WFDC13: variants seen among roughly 807,000 people sequenced by gnomAD.
WFDC13 encodes the protein WAP four-disulfide core domain protein 13.
A neutral mutation model predicts 10.9 loss-of-function variants in WFDC13; 6 were observed. The ratio of observed to expected loss-of-function variants is 0.55; its 90% CI spans 0.30 to 1.09. The LOEUF is 1.09. WFDC13 is among the 50% of genes least tolerant of loss of function. The probability of loss-of-function intolerance (pLI) is 0.06; values close to 1 mark genes in which losing one functional copy is unlikely to be tolerated. For synonymous variants in WFDC13, 38 were observed against 39.5 expected (o/e 0.96, Z 0.14); for missense variants, 104 against 109.6 (o/e 0.95, Z 0.23).
chr20:45,704,882 G>A lies in WFDC13; in HGVS notation c.239+288G>A, dbSNP rs79455088. 3,506 of 1,604,610 alleles carry A rather than the reference G, an allele frequency of 2.2e-3. 65 individuals carry two copies. The African/African-American group carries it at 0.041, about 19-fold the overall frequency. ...TGCCTTTATCCACAGACCTTCCCCC[G>A]ACCCAGAATCCACCCTTATCCCAGG... On this transcript the variant is annotated intron_variant, in intron 2 of 3. Transcript: ENST00000305479.
chr20:45,705,318 G>T, intron 2 of WFDC13: 1 of 362,796 alleles, frequency 2.8e-6, no homozygotes, highest in East Asian at 5.8e-5. Context: ...AGCCCTTTGA[G>T]GGAAGCCTGG....
At chr20:45,702,741 A>G (rs889882972) in intron 1 of WFDC13, among the ~76,000 whole-genome samples, 3 of 152,232 alleles carry the variant, frequency 2.0e-5, no homozygotes, top group African/African-American at 7.2e-5. Flanking sequence ...ACCGGTAATT[A>G]GCATCAATGG....
intron 2 of WFDC13, among the ~76,000 whole-genome samples, chr20:45,705,361 A>G (rs1363035276): frequency 6.6e-6 from 1 of 152,170 alleles, no homozygotes; most frequent in East Asian, 1.9e-4. Flanking sequence ...CCCTACCATG[A>G]GCAGAATACC....
chr20:45,706,687 G>C (rs572770164), intron 3 of WFDC13, among the ~76,000 whole-genome samples: 2 of 151,444 alleles, frequency 1.3e-5, no homozygotes, highest in South Asian at 2.1e-4. Context: ...CAGGAGAATT[G>C]CTTGAACCCA....
chr20:45,703,311 T>C (rs543665992), intron 1 of WFDC13, among the ~76,000 whole-genome samples: 1 of 152,148 alleles, frequency 6.6e-6, no homozygotes, highest in South Asian at 2.1e-4. Context: ...CAGGGGTGAG[T>C]ACTAGTTATT....
intron 2 of WFDC13, chr20:45,705,090 G>A: frequency 8.4e-7 from 1 of 1,195,254 alleles, no homozygotes; most frequent in Non-Finnish European, 1.2e-6. Flanking sequence ...CTGCTAAATG[G>A]AGTGTGCTCC....
At chr20:45,704,926 G>A (rs1378999594) in intron 2 of WFDC13, 12 of 1,613,988 alleles carry the variant, frequency 7.4e-6, no homozygotes, top group Admixed American at 1.7e-5. Flanking sequence ...ACCTGCAGGT[G>A]TAACCAAAAT....
intron 1 of WFDC13, among the ~76,000 whole-genome samples, chr20:45,702,630 G>C (rs141316792): frequency 1.7e-4 from 26 of 152,322 alleles, no homozygotes; most frequent in Middle Eastern, 6.8e-3. Flanking sequence ...ACTCAAGCTA[G>C]AATCTACATA....
intron 2 of WFDC13, among the ~76,000 whole-genome samples, 154 bp from the exon 3 acceptor site, chr20:45,705,709 G>C (rs1215096559): frequency 6.8e-6 from 1 of 147,600 alleles, no homozygotes; most frequent in South Asian, 2.1e-4. Context: ...TAACTCTTTG[G>C]TGTCATTGAG....
At chr20:45,702,942 T>C (rs1235151934) in intron 1 of WFDC13, among the ~76,000 whole-genome samples, 1 of 152,166 alleles carries the variant, frequency 6.6e-6, no homozygotes, top group African/African-American at 2.4e-5. Flanking sequence ...TGGTAGCTCA[T>C]GTGTCTGGGG....
chr20:45,704,807 T>C (rs1984324296), intron 2 of WFDC13: 1 of 1,323,714 alleles, frequency 7.6e-7, no homozygotes, highest in African/African-American at 1.4e-5. Context: ...CCACATCCCA[T>C]CACCATATCC....
chr20:45,704,687 CTTTTT>C, intron 2 of WFDC13, 93 bp downstream of exon 2: 1 of 1,333,312 alleles, frequency 7.5e-7, no homozygotes, highest in South Asian at 1.5e-5. Context: ...TGGATCTCTC[CTTTTT>C]TTTTTTTTTC....
chr20:45,707,651 T>G (rs971703389), intron 3 of WFDC13, among the ~76,000 whole-genome samples: 4 of 152,084 alleles, frequency 2.6e-5, no homozygotes, highest in Non-Finnish European at 1.5e-5. Context: ...TAATTAAAGG[T>G]GATCATGACA....
chr20:45,708,183 G>A lies in WFDC13; in HGVS notation c.*348G>A, dbSNP rs1394719265. The A allele has an allele frequency of 6.6e-6, 1 of 152,156 alleles. No individual in the cohort carries two copies. The highest frequency in any genetic ancestry group is 1.5e-5 in the Non-Finnish European group (1 of 68,060). 9.4% of individuals were successfully genotyped at this position (152,156 alleles called of 1,614,324 possible). On this transcript the variant is annotated 3_prime_UTR_variant, in exon 4 of 4. Coordinates refer to ENST00000305479, the MANE Select transcript of WFDC13 (RefSeq NM_172005.2). ...CATCAACATCTGGACAACCCTCACT[G>A]ATTACCTGCCCTTGGTTGCACTCAT...
chr20:45,704,922 A>G, intron 2 of WFDC13: 1 of 1,614,026 alleles, frequency 6.2e-7, no homozygotes, highest in Non-Finnish European at 8.5e-7. Flanking sequence ...CTGTACCTGC[A>G]GGTGTAACCA....
intron 2 of WFDC13, chr20:45,705,040 G>C: frequency 3.1e-6 from 5 of 1,587,410 alleles, no homozygotes; most frequent in Non-Finnish European, 4.3e-6. Flanking sequence ...CCCAAAGGAA[G>C]TTTTGATTAA....
chr20:45,704,869 C>T, intron 2 of WFDC13: 2 of 1,588,934 alleles, frequency 1.3e-6, no homozygotes, highest in Non-Finnish European at 1.7e-6. Flanking sequence ...CCTTTATCCA[C>T]AGACCTTCCC....
intron 2 of WFDC13, chr20:45,704,970 C>A: frequency 6.2e-7 from 1 of 1,614,136 alleles, no homozygotes; most frequent in Non-Finnish European, 8.5e-7. Flanking sequence ...CTTTTGCTTG[C>A]CCTCCTTTCA....
rs1480484079 is a variant in WFDC13, at chr20:45,702,101, TACTC to T, written c.-20_-17del. 7 of 1,608,788 alleles carry T rather than the reference TACTC, an allele frequency of 4.4e-6. No individual in the cohort carries two copies. The highest frequency in any genetic ancestry group is 1.7e-5 in the Admixed American group (1 of 59,330). ...AACCCAGCAACCCTTGGCCAGAACTTACTCACCCATCCCACTGACACCATGAAGC... is the reference window on the plus strand; with the variant it reads ...AACCCAGCAACCCTTGGCCAGAACTTACCCATCCCACTGACACCATGAAGC... On this transcript the variant is annotated 5_prime_UTR_variant, in exon 1 of 4. Transcript: ENST00000305479.
Sources: allele counts gnomAD v4.1 joint callset (sites outside exome capture counted in the v4.1 genomes callset), GRCh38; gene constraint gnomAD v4.1.1; transcripts MANE v1.5; gene names NCBI Gene and HGNC (gene_info 2026-07-23, HGNC 2026-07-21).